The following PRDM16 variants were observed in gnomAD, a reference collection of about 807,000 sequenced individuals.
The protein encoded by PRDM16 is PR/SET domain 16.
Under a neutral mutation model 110.6 loss-of-function variants are expected in PRDM16, and 23 were observed. The ratio of observed to expected loss-of-function variants is 0.21; its 90% CI spans 0.15 to 0.29. The LOEUF is 0.29. Among genes scored for constraint, PRDM16 ranks in the 10% least tolerant of loss-of-function variants. PRDM16 has a pLI of 1.00. For missense variants in PRDM16, 1,615 were observed against 1,794.3 expected, an observed-to-expected ratio of 0.90 and a Z score of 1.81; for synonymous variants, 799 against 781.8, an observed-to-expected ratio of 1.02 and a Z score of -0.37.
At chr1:3,138,521 C>T (rs150318730) in intron 1 of PRDM16, among the ~76,000 whole-genome samples, 1 of 152,326 alleles carries the variant, frequency 6.6e-6, no homozygotes, top group African/African-American at 2.4e-5. Context: ...CGGGGTGGCA[C>T]CCTCACCTTC....
intron 1 of PRDM16, among the ~76,000 whole-genome samples, chr1:3,073,076 T>G (rs905519079): frequency 1.3e-5 from 2 of 152,218 alleles, no homozygotes; most frequent in African/African-American, 4.8e-5. Context: ...CCAGAGCAGG[T>G]GCCAGCCCGA....
At chr1:3,097,961 T>A (rs879793009) in intron 1 of PRDM16, among the ~76,000 whole-genome samples, 2 of 152,184 alleles carry the variant, frequency 1.3e-5, no homozygotes, top group Admixed American at 1.3e-4. Flanking sequence ...GTCCTGTCCC[T>A]GTGACCTCAG....
intron 1 of PRDM16, among the ~76,000 whole-genome samples, chr1:3,114,409 CGCACACACAT>C (rs1356395874): frequency 3.8e-5 from 4 of 105,420 alleles, no homozygotes; most frequent in African/African-American, 1.7e-4. Context: ...CGCACACACA[CGCACACACAT>C]GCACACACCA....
At chr1:3,264,641 G>A (rs2100263360) in intron 3 of PRDM16, among the ~76,000 whole-genome samples, 2 of 149,054 alleles carry the variant, frequency 1.3e-5, no homozygotes, top group South Asian at 2.2e-4. Context: ...CGGGCCAGGA[G>A]GGGAGGAAAG....
chr1:3,103,881 T>C (rs1202827646), intron 1 of PRDM16, among the ~76,000 whole-genome samples: 2 of 152,216 alleles, frequency 1.3e-5, no homozygotes, highest in Non-Finnish European at 2.9e-5. Context: ...ATCAATTCTG[T>C]ATGTTTTTTA....
At chr1:3,187,036 C>T (rs887754672) in intron 2 of PRDM16, among the ~76,000 whole-genome samples, 4 of 152,232 alleles carry the variant, frequency 2.6e-5, no homozygotes, top group Admixed American at 6.5e-5. Context: ...CCCACCACGA[C>T]GTGACTGGCC....
At chr1:3,172,000 C>A (rs1038908934) in intron 1 of PRDM16, among the ~76,000 whole-genome samples, 6 of 152,182 alleles carry the variant, frequency 3.9e-5, no homozygotes, top group South Asian at 2.1e-4. Flanking sequence ...AAGGAGCATC[C>A]CTGGGCCCAG....
chr1:3,078,493 C>G (rs1194491905), intron 1 of PRDM16, among the ~76,000 whole-genome samples: 1 of 152,228 alleles, frequency 6.6e-6, no homozygotes, highest in African/African-American at 2.4e-5. Flanking sequence ...CTCAGGGCCT[C>G]CTCTCTGCAC....
At chr1:3,433,573 G>A in intron 16 of PRDM16, 104 bp from the exon 17 acceptor site, 3 of 428,350 alleles carry the variant, frequency 7.0e-6, no homozygotes, top group Non-Finnish European at 1.2e-5. Flanking sequence ...GCCTGTCTGG[G>A]ATGGCCCGCC....
At position 3,414,478 on chromosome 1, in the gene PRDM16, G is replaced by A. The variant is rs564870071; in HGVS notation, c.2604-82G>A. 136 of 1,024,190 alleles carry A rather than the reference G, an allele frequency of 1.3e-4. No individual in the cohort carries two copies. In the East Asian group the frequency reaches 2.9e-3, roughly 22 times the overall value. The allele number at this position is 1,024,190 out of a possible 1,614,324, so 63.4% of individuals were successfully genotyped here. A position where few individuals can be genotyped will look rare whatever the true frequency, so the allele number is the denominator to read the frequency against. ...TGACTGGCCAGGTATATGGTCAGGC[G>A]GGGTGGGCGGCTCTGTGGAGCGGGT... On this transcript the variant is annotated intron_variant, in intron 9 of 16. Transcript: ENST00000270722.
intron 4 of PRDM16, 88 bp downstream of exon 4, chr1:3,385,374 G>A (rs1159216277): frequency 6.8e-7 from 1 of 1,461,232 alleles, no homozygotes; most frequent in Non-Finnish European, 9.5e-7. Flanking sequence ...GCCGAGGCAA[G>A]GGTTGTCTGA....
intron 1 of PRDM16, among the ~76,000 whole-genome samples, chr1:3,088,109 C>T (rs1424350569): frequency 4.6e-5 from 7 of 152,112 alleles, no homozygotes; most frequent in African/African-American, 1.7e-4. Flanking sequence ...TCTACATTCT[C>T]CCTGTGCTGC....
intron 2 of PRDM16, among the ~76,000 whole-genome samples, chr1:3,240,305 T>G (rs1198109846): frequency 6.6e-6 from 1 of 150,616 alleles, no homozygotes; most frequent in Non-Finnish European, 1.5e-5. Context: ...TCCCAGCTAC[T>G]CAGGAGGCTG....
chr1:3,160,222 C>T (rs1643887192), intron 1 of PRDM16, among the ~76,000 whole-genome samples: 1 of 152,210 alleles, frequency 6.6e-6, no homozygotes, highest in Non-Finnish European at 1.5e-5. Context: ...GGTTCCTGCC[C>T]TGGTGTCGAT....
At chr1:3,111,108 G>A (rs1569576309) in intron 1 of PRDM16, among the ~76,000 whole-genome samples, 1 of 152,114 alleles carries the variant, frequency 6.6e-6, no homozygotes, top group Non-Finnish European at 1.5e-5. Flanking sequence ...GCTGGCTCAC[G>A]TGCAGGGGCC....
intron 3 of PRDM16, among the ~76,000 whole-genome samples, chr1:3,332,949 T>C (rs545720389): frequency 6.6e-6 from 1 of 152,298 alleles, no homozygotes; most frequent in South Asian, 2.1e-4. Context: ...AGTGCCTCAC[T>C]CCTTTTCTTG....
Position 3,112,890 on chromosome 1 carries a change from C to T in PRDM16, c.37+43594C>T, listed in dbSNP as rs75663983. Among the ~76,000 whole-genome samples, 1,165 of 152,348 alleles carry T rather than the reference C, an allele frequency of 7.6e-3. 26 individuals carry two copies. In the East Asian group the frequency reaches 0.076, roughly 10 times the overall value. On this transcript the variant is annotated intron_variant, in intron 1 of 16. Coordinates refer to ENST00000270722, the MANE Select transcript of PRDM16 (RefSeq NM_022114.4). Reference sequence around the variant, plus strand: ...ATCATCCTCCTGTGGAACGGGGTCCCGGGCCATCCTTCTTGCGGGGAGAGC... The same window carrying T: ...ATCATCCTCCTGTGGAACGGGGTCCTGGGCCATCCTTCTTGCGGGGAGAGC...
At chr1:3,158,463 C>T (rs1232112530) in intron 1 of PRDM16, among the ~76,000 whole-genome samples, 1 of 151,812 alleles carries the variant, frequency 6.6e-6, no homozygotes, top group Non-Finnish European at 1.5e-5. Flanking sequence ...ATTTTTAAAA[C>T]CTATTTTCTC....
intron 1 of PRDM16, among the ~76,000 whole-genome samples, chr1:3,162,937 G>C (rs12036098): frequency 0.18 from 16,841 of 93,608 alleles, 519 homozygotes; most frequent in Admixed American, 0.22. Context: ...GAGGGGATGT[G>C]CGCAGAAGCC....
Sources: allele counts gnomAD v4.1 joint callset (sites outside exome capture counted in the v4.1 genomes callset), GRCh38; gene constraint gnomAD v4.1.1; transcripts MANE v1.5; gene names NCBI Gene and HGNC (gene_info 2026-07-23, HGNC 2026-07-21).